CCDC175: variants seen among roughly 807,000 people sequenced by gnomAD.
CCDC175 encodes the protein coiled-coil domain containing 175.
CCDC175 carries 100 observed loss-of-function variants against 114.6 expected under a neutral mutation model. The ratio of observed to expected loss-of-function variants is 0.87; its 90% confidence interval spans 0.74 to 1.03. CCDC175 has a LOEUF of 1.03. Ranked by LOEUF, CCDC175 falls within the 50% of genes least tolerant of loss-of-function variation. CCDC175 has a pLI of 0.00. For missense variants in CCDC175, 880 were observed against 917.8 expected (o/e 0.96, Z 0.53); for synonymous variants, 306 against 308.7 (o/e 0.99, Z 0.09).
chr14:59,552,050 T>C (rs1415654155), intron 7 of CCDC175, among the ~76,000 whole-genome samples: 2 of 151,782 alleles, frequency 1.3e-5, no homozygotes, highest in Non-Finnish European at 3.0e-5. Context: ...GGGCAGGACA[T>C]AGCCGAACAA....
At chr14:59,526,542 T>G (rs1893750121) in intron 15 of CCDC175, among the ~76,000 whole-genome samples, 1 of 142,114 alleles carries the variant, frequency 7.0e-6, no homozygotes, top group Non-Finnish European at 1.5e-5. Context: ...GGCAACAGAG[T>G]GAGACTCCAT....
chr14:59,511,818 T>TA lies in CCDC175; in HGVS notation c.2099-16dup, dbSNP rs781743949. The TA allele has an allele frequency of 8.9e-4, 1,346 of 1,511,000 alleles. 14 individuals carry two copies. The highest frequency in any genetic ancestry group is 1.5e-3 in the Middle Eastern group (9 of 5,912). The allele number at this position is 1,511,000 out of a possible 1,614,324, so 93.6% of individuals were successfully genotyped here. ...CTTATATTGTGCTAAAATAAAGATT[T>TA]AAAAAATACAATGGTTACTGACACA... On this transcript the variant is annotated splice_polypyrimidine_tract_variant and intron_variant, in intron 17 of 19. Coordinates refer to ENST00000537690, the MANE Select transcript of CCDC175 (RefSeq NM_001164399.2).
At chr14:59,506,165 A>G (rs761928) in intron 19 of CCDC175, among the ~76,000 whole-genome samples, 148,972 of 152,202 alleles carry the variant, frequency 0.98, 72,987 homozygotes, top group East Asian at 1. Flanking sequence ...TAAAACTATT[A>G]GTTTGCGAGA....
intron 17 of CCDC175, among the ~76,000 whole-genome samples, chr14:59,513,721 G>T (rs575178692): frequency 6.6e-6 from 1 of 152,194 alleles, no homozygotes; most frequent in Non-Finnish European, 1.5e-5. Context: ...GCCTGCCTCT[G>T]TAGACTCCAC....
intron 17 of CCDC175, among the ~76,000 whole-genome samples, chr14:59,521,225 T>C (rs965322692): frequency 6.6e-6 from 1 of 152,182 alleles, no homozygotes; most frequent in Admixed American, 6.5e-5. Context: ...CTTCCAAGAT[T>C]CCTCTTTCTC....
At chr14:59,539,356 T>C (rs567806673) in intron 11 of CCDC175, among the ~76,000 whole-genome samples, 1 of 152,214 alleles carries the variant, frequency 6.6e-6, no homozygotes, top group South Asian at 2.1e-4. Flanking sequence ...GGCGGGCAGA[T>C]CACCTGAGGT....
chr14:59,529,108 G>A (rs940417864), intron 14 of CCDC175, among the ~76,000 whole-genome samples: 3 of 152,178 alleles, frequency 2.0e-5, no homozygotes, highest in Non-Finnish European at 2.9e-5. Context: ...CCAGCCATTT[G>A]AGGGGACCAT....
intron 2 of CCDC175, among the ~76,000 whole-genome samples, chr14:59,574,057 T>C (rs1184473534): frequency 6.6e-6 from 1 of 152,204 alleles, no homozygotes; most frequent in Non-Finnish European, 1.5e-5. Flanking sequence ...GGAAAAATGT[T>C]TTCACAGCAC....
At chr14:59,545,129 G>T (rs900415942) in intron 9 of CCDC175, 34 bp downstream of exon 9, 1 of 1,522,888 alleles carries the variant, frequency 6.6e-7, no homozygotes, top group African/African-American at 1.4e-5. Flanking sequence ...CATAATGATG[G>T]CATGTTGAAT....
intron 7 of CCDC175, among the ~76,000 whole-genome samples, chr14:59,552,695 C>G (rs888211944): frequency 2.0e-5 from 3 of 152,132 alleles, no homozygotes; most frequent in Non-Finnish European, 4.4e-5. Flanking sequence ...TCGAACTCAT[C>G]ACAAAGAAGC....
At chr14:59,554,469 T>C (rs1373364950) in intron 7 of CCDC175, among the ~76,000 whole-genome samples, 1 of 152,178 alleles carries the variant, frequency 6.6e-6, no homozygotes. Context: ...TAAAGCAGTA[T>C]GTAGAGGGAA....
intron 17 of CCDC175, among the ~76,000 whole-genome samples, chr14:59,514,953 C>T (rs1054080330): frequency 6.6e-6 from 1 of 152,208 alleles, no homozygotes; most frequent in Non-Finnish European, 1.5e-5. Flanking sequence ...GCCCAGCAGA[C>T]TAACAGCTGA....
intron 7 of CCDC175, among the ~76,000 whole-genome samples, chr14:59,553,372 T>C (rs1222745317): frequency 6.6e-6 from 1 of 152,156 alleles, no homozygotes; most frequent in African/African-American, 2.4e-5. Flanking sequence ...CTAAGCTTCA[T>C]AAGTGAAGGA....
chr14:59,515,339 G>A (rs926755965), intron 17 of CCDC175, among the ~76,000 whole-genome samples: 5 of 152,138 alleles, frequency 3.3e-5, no homozygotes, highest in Non-Finnish European at 7.4e-5. Context: ...ATGTAAATGG[G>A]CTAAATGCTC....
At chr14:59,548,038 T>A (rs747892631) in intron 8 of CCDC175, among the ~76,000 whole-genome samples, 12 of 152,182 alleles carry the variant, frequency 7.9e-5, no homozygotes, top group Non-Finnish European at 1.3e-4. Flanking sequence ...GTAGCTAAGA[T>A]GTAGAATCAA....
intron 13 of CCDC175, among the ~76,000 whole-genome samples, chr14:59,534,833 T>G (rs1427888840): frequency 6.6e-6 from 1 of 152,202 alleles, no homozygotes; most frequent in Admixed American, 6.5e-5. Context: ...CTGGGATGTT[T>G]ATATTATGAA....
intron 17 of CCDC175, among the ~76,000 whole-genome samples, chr14:59,518,277 TAAAACACC>T (rs1426129219): frequency 1.3e-5 from 2 of 152,122 alleles, no homozygotes; most frequent in Non-Finnish European, 2.9e-5. Context: ...ACTTCATGTC[TAAAACACC>T]AAAAGCAATG....
Position 59,538,689 on chromosome 14 carries a change from C to A in CCDC175, c.1491+16G>T. On this transcript the variant is annotated intron_variant, in intron 12 of 19. Transcript: ENST00000537690. Reference sequence around the variant, plus strand: ...CAATGTAGGGGACTAATTCTAAGTTCTTTCAGTTCTCTTACCTCGTTAAGT... The same window carrying A: ...CAATGTAGGGGACTAATTCTAAGTTATTTCAGTTCTCTTACCTCGTTAAGT... The A allele has an allele frequency of 6.6e-7, 1 of 1,522,674 alleles. No individual in the cohort carries two copies. Among genetic ancestry groups the A allele is most frequent in the South Asian group, 1.2e-5 (1 of 80,972 alleles). 94.3% of individuals were successfully genotyped at this position (1,522,674 alleles called of 1,614,324 possible). A position where few individuals can be genotyped will look rare whatever the true frequency, so the allele number is the denominator to read the frequency against.
chr14:59,547,463 AG>A (rs1188646965), intron 8 of CCDC175, among the ~76,000 whole-genome samples: 2 of 152,242 alleles, frequency 1.3e-5, no homozygotes, highest in Non-Finnish European at 2.9e-5. Flanking sequence ...CTCATTTTAA[AG>A]GTACTAATTA....
Sources: gnomAD v4.1 joint callset for allele counts (sites outside exome capture counted in the v4.1 genomes callset) on GRCh38, gnomAD v4.1.1 for gene constraint, MANE v1.5 for transcripts, NCBI Gene and HGNC (gene_info 2026-07-23, HGNC 2026-07-21) for gene names.